The following SFMBT2 variants were observed in gnomAD, a reference collection of about 807,000 sequenced individuals.
The protein encoded by SFMBT2 is Scm like with four mbt domains 2.
Under a neutral mutation model 110.1 loss-of-function variants are expected in SFMBT2, and 38 were observed. The observed-to-expected ratio is 0.35, with a 90% CI of 0.27 to 0.45. The LOEUF is 0.45. Among genes scored for constraint, SFMBT2 ranks in the 20% least tolerant of loss-of-function variants. The pLI is 1.00. For synonymous variants in SFMBT2, 425 were observed against 425.4 expected, an observed-to-expected ratio of 1.00 and a Z score of 0.01; for missense variants, 1,011 against 1,094.9, an observed-to-expected ratio of 0.92 and a Z score of 1.08.
At chr10:7,243,266 C>G (rs1840493077) in intron 9 of SFMBT2, among the ~76,000 whole-genome samples, 1 of 152,176 alleles carries the variant, frequency 6.6e-6, no homozygotes, top group Non-Finnish European at 1.5e-5. Flanking sequence ...AGCTCAATCA[C>G]TTAGCAATGC....
At chr10:7,302,823 G>C (rs1471861955) in intron 4 of SFMBT2, among the ~76,000 whole-genome samples, 1 of 152,122 alleles carries the variant, frequency 6.6e-6, no homozygotes, top group Non-Finnish European at 1.5e-5. Flanking sequence ...AGGAATGAAA[G>C]GAGGTGTATT....
At chr10:7,381,292 T>C (rs1397381606) in intron 2 of SFMBT2, among the ~76,000 whole-genome samples, 1 of 152,164 alleles carries the variant, frequency 6.6e-6, no homozygotes, top group Admixed American at 6.5e-5. Context: ...ATCTACTACG[T>C]AGGCAGATCT....
chr10:7,203,915 C>T (rs1021607330), intron 12 of SFMBT2: 1 of 155,306 alleles, frequency 6.4e-6, no homozygotes, highest in East Asian at 1.9e-4. Context: ...TGGGGTTGTG[C>T]CATGCTGGCC....
intron 4 of SFMBT2, among the ~76,000 whole-genome samples, chr10:7,296,577 T>C (rs895531770): frequency 3.3e-5 from 5 of 152,250 alleles, no homozygotes; most frequent in African/African-American, 1.2e-4. Context: ...AGAGACAAAC[T>C]TGCAGAAAGT....
At position 7,175,980 on chromosome 10, in the gene SFMBT2, T is replaced by C. The variant is rs374786765; in HGVS notation, c.1984+10A>G. On this transcript the variant is annotated intron_variant, in intron 17 of 20. Transcript: ENST00000397167. ...GCTCATGCATTTCTTTTTTCATTAT[T>C]TGTACTTACTGTATTTGGTTTTGGT... The C allele has an allele frequency of 1.9e-6, 3 of 1,606,694 alleles. No individual in the cohort carries two copies. The highest frequency in any genetic ancestry group is 1.7e-5 in the Admixed American group (1 of 59,618).
chr10:7,332,940 C>T (rs1038278393), intron 4 of SFMBT2, among the ~76,000 whole-genome samples: 3 of 152,186 alleles, frequency 2.0e-5, no homozygotes, highest in Admixed American at 6.5e-5. Flanking sequence ...GATCTCAGCT[C>T]ACTGCAACCT....
At chr10:7,400,095 C>T (rs955997768) in intron 1 of SFMBT2, among the ~76,000 whole-genome samples, 2 of 152,084 alleles carry the variant, frequency 1.3e-5, no homozygotes, top group African/African-American at 4.8e-5. Flanking sequence ...GTCCCAGAGC[C>T]TGCACTGGGA....
intron 12 of SFMBT2, chr10:7,205,484 A>G (rs1839099090): frequency 1.0e-6 from 1 of 984,594 alleles, no homozygotes; most frequent in South Asian, 4.7e-5. Flanking sequence ...TCTTTTAAAG[A>G]AATGGTAACA....
In SFMBT2 at chr10:7,202,506, C is replaced by A; in HGVS notation, c.1461G>T (p.Lys487Asn). Residue 487 changes from lysine to asparagine, a missense_variant, in exon 13 of 21, where the codon AAG becomes AAT. Lys to Asn is a moderately conservative substitution (Grantham distance 94, BLOSUM62 0). This residue lies in a region of SFMBT2 where 979 missense variants were observed against 1,016.1 expected (regional missense o/e 0.96). Coordinates refer to ENST00000397167, the MANE Select transcript of SFMBT2 (RefSeq NM_001387889.1). ...PHKTVSQKKR[K>N]IAVVQPEKQL... is the part of the protein sequence containing the mutation. ...GTTTCTCTGGTTGCACGACTGCAAT[C>A]TTTCTCTTCTTTTGTGCTGTAGAAA... 1 of 1,614,196 alleles carries A rather than the reference C, an allele frequency of 6.2e-7. No homozygotes were observed. Among genetic ancestry groups the A allele is most frequent in the Non-Finnish European group, 8.5e-7 (1 of 1,180,030 alleles).
intron 20 of SFMBT2, among the ~76,000 whole-genome samples, chr10:7,166,346 T>C (rs1588756019): frequency 6.6e-6 from 1 of 152,252 alleles, no homozygotes; most frequent in South Asian, 2.1e-4. Context: ...CTTTAACATC[T>C]GTACTTGGGC....
intron 1 of SFMBT2, among the ~76,000 whole-genome samples, chr10:7,390,211 G>A (rs1419841386): frequency 6.6e-6 from 1 of 152,190 alleles, no homozygotes; most frequent in African/African-American, 2.4e-5. Context: ...CTAGGCACAT[G>A]TGGGTAGAAG....
intron 7 of SFMBT2, among the ~76,000 whole-genome samples, chr10:7,275,839 C>T (rs915199521): frequency 2.6e-5 from 4 of 152,196 alleles, no homozygotes; most frequent in Non-Finnish European, 5.9e-5. Context: ...AGGAAGCCCA[C>T]GTCCCCTACT....
At chr10:7,186,875 A>T (rs1002149423) in intron 16 of SFMBT2, among the ~76,000 whole-genome samples, 1 of 152,280 alleles carries the variant, frequency 6.6e-6, no homozygotes, top group African/African-American at 2.4e-5. Context: ...AGACGCTGCT[A>T]TGATCTCGCA....
chr10:7,358,988 G>A (rs1844621391), intron 4 of SFMBT2, among the ~76,000 whole-genome samples: 1 of 152,240 alleles, frequency 6.6e-6, no homozygotes, highest in Non-Finnish European at 1.5e-5. Flanking sequence ...TGGATAGGAG[G>A]CCAGAGCTGC....
chr10:7,401,175 C>T (rs2132123779), intron 1 of SFMBT2, among the ~76,000 whole-genome samples: 1 of 152,142 alleles, frequency 6.6e-6, no homozygotes, highest in Non-Finnish European at 1.5e-5. Context: ...CAAAAAGAGC[C>T]CGAGTGGTAA....
chr10:7,274,355 G>A (rs920893946), intron 7 of SFMBT2, among the ~76,000 whole-genome samples: 1 of 152,128 alleles, frequency 6.6e-6, no homozygotes, highest in African/African-American at 2.4e-5. Flanking sequence ...AGCTGATATG[G>A]TTTGGCTGTG....
At position 7,367,580 on chromosome 10, in the gene SFMBT2, C is replaced by T; in HGVS notation, c.436+69G>A. Reference sequence around the variant, plus strand: ...GATTCTACGCAAGGTTCTCTCTGCTCCTTGCAAAATTACAGGCGTCATGAA... The same window carrying T: ...GATTCTACGCAAGGTTCTCTCTGCTTCTTGCAAAATTACAGGCGTCATGAA... On this transcript the variant is annotated intron_variant, in intron 4 of 20. Coordinates refer to ENST00000397167, the MANE Select transcript of SFMBT2 (RefSeq NM_001387889.1). The surrounding 1 kb of genome is among the most constrained non-coding windows in gnomAD (Gnocchi z 6.2). 6.4e-7 allele frequency: 1 copy of T among 1,561,214 alleles called. No individual in the cohort carries two copies. The highest frequency in any genetic ancestry group is 8.6e-7 in the Non-Finnish European group (1 of 1,156,096).
intron 10 of SFMBT2, among the ~76,000 whole-genome samples, chr10:7,221,778 A>G (rs950080693): frequency 3.3e-5 from 5 of 152,100 alleles, no homozygotes; most frequent in Admixed American, 6.5e-5. Flanking sequence ...ATTTTTACAT[A>G]GAGTAAAATT....
At position 7,243,598 on chromosome 10, in the gene SFMBT2, C is replaced by G; in HGVS notation, c.1080G>C (p.Gln360His). The change falls in exon 9 of 21, where the codon CAG (glutamine) becomes CAC (histidine). Residue 360 changes from glutamine to histidine, a missense_variant. Transcript: ENST00000397167. ...GGCTGACTCCATTTTTAAGGCACCA[C>G]TGTACTGGCAAAATCCCCAAAGAAT... ...HADSLGILPV[Q>H]WCLKNGVSLT... is the part of the protein sequence containing the mutation. 1.1e-6 allele frequency: 1 copy of G among 872,948 alleles called. No individual in the cohort carries two copies. Among genetic ancestry groups the G allele is most frequent in the South Asian group, 1.3e-5 (1 of 76,540 alleles). 54.1% of individuals were successfully genotyped at this position (872,948 alleles called of 1,614,324 possible). A position where few individuals can be genotyped will look rare whatever the true frequency, so the allele number is the denominator to read the frequency against.
Sources: allele counts gnomAD v4.1 joint callset (sites outside exome capture counted in the v4.1 genomes callset), GRCh38; gene constraint gnomAD v4.1.1; regional missense constraint gnomAD v4.1.1; non-coding constraint Gnocchi (gnomAD v3.1); transcripts MANE v1.5; gene names NCBI Gene and HGNC (gene_info 2026-07-23, HGNC 2026-07-21).